CFAP299: variants seen among roughly 807,000 people sequenced by gnomAD.
CFAP299 encodes the protein cilia- and flagella-associated protein 299.
In CFAP299, 21 loss-of-function variants were observed where a neutral mutation model predicts 27.0. The observed-to-expected ratio is 0.78, with a 90% confidence interval of 0.55 to 1.12. The LOEUF is 1.12. Ranked by LOEUF, CFAP299 falls within the 50% of genes most tolerant of loss-of-function variation. CFAP299 has a pLI of 0.00. For missense variants in CFAP299, 310 were observed against 276.6 expected, an observed-to-expected ratio of 1.12 and a Z score of -0.86; for synonymous variants, 104 against 98.1, an observed-to-expected ratio of 1.06 and a Z score of -0.36.
intron 2 of CFAP299, among the ~76,000 whole-genome samples, chr4:80,365,076 G>A (rs771706155): frequency 3.3e-5 from 5 of 152,148 alleles, no homozygotes; most frequent in African/African-American, 7.2e-5. Context: ...GTACATGCAT[G>A]TATCTTTATA....
the CFAP299 span, among the ~76,000 whole-genome samples, chr4:80,328,972 A>G: frequency 6.6e-6 from 1 of 152,118 alleles, no homozygotes; most frequent in African/African-American, 2.4e-5. Flanking sequence ...CTGTACACCA[A>G]GCTTGTCAAA....
intron 3 of CFAP299, among the ~76,000 whole-genome samples, chr4:80,854,670 G>T (rs1025328030): frequency 1.3e-5 from 2 of 150,758 alleles, no homozygotes; most frequent in South Asian, 2.1e-4. Flanking sequence ...ATAATTGAAT[G>T]TGAGAAAGGG....
chr4:80,634,415 CAT>C (rs946591930), intron 3 of CFAP299, among the ~76,000 whole-genome samples: 19 of 152,120 alleles, frequency 1.2e-4, no homozygotes, highest in Admixed American at 1.0e-3. Flanking sequence ...TTGATTCCCT[CAT>C]GTGTAAAATG....
chr4:80,664,535 G>A (rs895584491), intron 3 of CFAP299, among the ~76,000 whole-genome samples: 3 of 152,116 alleles, frequency 2.0e-5, no homozygotes, highest in African/African-American at 7.2e-5. Flanking sequence ...ACTGTGAGTG[G>A]AAAACTGCCT....
chr4:80,343,852 C>A (rs1482082704), intron 1 of CFAP299, among the ~76,000 whole-genome samples: 1 of 145,650 alleles, frequency 6.9e-6, no homozygotes, highest in African/African-American at 2.5e-5. Context: ...TCACTCAACA[C>A]CACACAACTA....
chr4:80,452,876 A>G (rs1314643141), intron 2 of CFAP299, among the ~76,000 whole-genome samples: 4 of 152,210 alleles, frequency 2.6e-5, no homozygotes, highest in Non-Finnish European at 4.4e-5. Flanking sequence ...TACTCTGATG[A>G]TGATTACTTT....
intron 2 of CFAP299, among the ~76,000 whole-genome samples, chr4:80,452,840 T>A (rs193183922): frequency 6.6e-6 from 1 of 152,318 alleles, no homozygotes; most frequent in African/African-American, 2.4e-5. Flanking sequence ...TTCAGAGATG[T>A]GAATTTAACT....
chr4:80,874,440 CTTAT>C (rs1733268461), intron 4 of CFAP299, among the ~76,000 whole-genome samples: 1 of 152,122 alleles, frequency 6.6e-6, no homozygotes. Flanking sequence ...TTTCCATATG[CTTAT>C]TTGTCTTAGT....
intron 1 of CFAP299, among the ~76,000 whole-genome samples, chr4:80,347,283 T>C (rs1722779925): frequency 1.3e-5 from 2 of 152,198 alleles, no homozygotes; most frequent in Admixed American, 6.5e-5. Flanking sequence ...CTTGCTTGAC[T>C]GCCCTGGCCA....
At chr4:80,664,642 C>T (rs1318190832) in intron 3 of CFAP299, among the ~76,000 whole-genome samples, 1 of 152,098 alleles carries the variant, frequency 6.6e-6, no homozygotes, top group Admixed American at 6.5e-5. Flanking sequence ...GAGTTTCAAG[C>T]CAGTGGATCT....
chr4:80,712,797 T>G (rs937788315), intron 3 of CFAP299, among the ~76,000 whole-genome samples: 1 of 152,180 alleles, frequency 6.6e-6, no homozygotes, highest in African/African-American at 2.4e-5. Flanking sequence ...TTTACAAAAA[T>G]TGTACTGTAA....
intron 2 of CFAP299, among the ~76,000 whole-genome samples, chr4:80,486,758 C>G (rs971149512): frequency 1.3e-5 from 2 of 152,198 alleles, no homozygotes; most frequent in African/African-American, 4.8e-5. Context: ...CTGGGTAGCT[C>G]TAAAAGTTTT....
chr4:80,360,201 G>C (rs1463512783), intron 1 of CFAP299, among the ~76,000 whole-genome samples: 2 of 152,156 alleles, frequency 1.3e-5, no homozygotes, highest in African/African-American at 2.4e-5. Flanking sequence ...CCACTGAACT[G>C]GGGGAGGAGG....
intron 4 of CFAP299, among the ~76,000 whole-genome samples, chr4:80,903,246 C>T (rs1229409202): frequency 6.6e-6 from 1 of 151,978 alleles, no homozygotes; most frequent in East Asian, 1.9e-4. Context: ...GTTGTTCTTA[C>T]CCATATCATT....
At chr4:80,366,549 C>G (rs1210295625) in intron 2 of CFAP299, among the ~76,000 whole-genome samples, 1 of 152,040 alleles carries the variant, frequency 6.6e-6, no homozygotes, top group South Asian at 2.1e-4. Context: ...TCTGGGAATA[C>G]AATAGAAAAC....
chr4:80,734,568 A>T (rs1723744994), intron 3 of CFAP299, among the ~76,000 whole-genome samples: 2 of 152,072 alleles, frequency 1.3e-5, no homozygotes, highest in African/African-American at 4.8e-5. Context: ...GAGTTTCCCC[A>T]GTGTTTTATG....
chr4:80,472,207 G>C (rs1410232712), intron 2 of CFAP299, among the ~76,000 whole-genome samples: 1 of 152,132 alleles, frequency 6.6e-6, no homozygotes, highest in Non-Finnish European at 1.5e-5. Context: ...GTGTCTCTTG[G>C]AAAGTAGGGA....
chr4:80,846,555 A>T (rs1164965621), intron 3 of CFAP299, among the ~76,000 whole-genome samples: 1 of 152,192 alleles, frequency 6.6e-6, no homozygotes, highest in Non-Finnish European at 1.5e-5. Context: ...TTTGAGGTTG[A>T]CAATTATAAT....
intron 3 of CFAP299, among the ~76,000 whole-genome samples, chr4:80,722,005 A>G (rs1159271692): frequency 6.6e-6 from 1 of 152,282 alleles, no homozygotes; most frequent in African/African-American, 2.4e-5. Flanking sequence ...ATCTAAATAA[A>G]GGAACAAAGA....
Sources: allele counts gnomAD v4.1 joint callset (sites outside exome capture counted in the v4.1 genomes callset), GRCh38; gene constraint gnomAD v4.1.1; transcripts MANE v1.5; gene names NCBI Gene and HGNC (gene_info 2026-07-23, HGNC 2026-07-21).